The following ST6GALNAC3 variants were observed in gnomAD, a reference collection of about 807,000 sequenced individuals.
ST6GALNAC3 encodes ST6 N-acetylgalactosaminide alpha-2,6-sialyltransferase 3.
ST6GALNAC3 carries 25 observed loss-of-function variants against 32.7 expected under a neutral mutation model. That is an observed-to-expected ratio of 0.76 (90% CI 0.56 to 1.07). ST6GALNAC3 has a LOEUF of 1.07. Among genes scored for constraint, ST6GALNAC3 ranks in the 50% least tolerant of loss-of-function variants. The pLI is 0.00. For missense variants in ST6GALNAC3, 355 were observed against 382.4 expected (o/e 0.93, Z 0.60); for synonymous variants, 129 against 133.1 (o/e 0.97, Z 0.21).
intron 1 of ST6GALNAC3, among the ~76,000 whole-genome samples, chr1:76,155,363 G>A (rs1393005629): frequency 6.6e-6 from 1 of 152,208 alleles, no homozygotes; most frequent in African/African-American, 2.4e-5. Flanking sequence ...TATGTGCCAG[G>A]CATGGGTAAT....
intron 1 of ST6GALNAC3, among the ~76,000 whole-genome samples, chr1:76,147,640 A>T (rs924292180): frequency 4.6e-5 from 7 of 152,182 alleles, no homozygotes; most frequent in Non-Finnish European, 7.3e-5. Flanking sequence ...CGTAAGCTCC[A>T]TGAGACTGGG....
chr1:76,432,902 A>C (rs1217688304), intron 3 of ST6GALNAC3, among the ~76,000 whole-genome samples: 1 of 152,216 alleles, frequency 6.6e-6, no homozygotes. Context: ...GGAATTTGGC[A>C]GTCCCCAGGC....
rs139834853 is a variant in ST6GALNAC3 at position 76,109,165 on chromosome 1, C to A, written c.18+34281C>A. ...CCTCGTTTGCTGTTATGGTTTATGT[C>A]GCAGACTTGCTAGGTATGACTTCCA... On this transcript the variant is annotated intron_variant, in intron 1 of 4. Coordinates refer to ENST00000328299, the MANE Select transcript of ST6GALNAC3 (RefSeq NM_152996.4). 4.6e-5 allele frequency among the ~76,000 whole-genome samples: 7 copies of A among 152,132 alleles called. No homozygotes were observed. In the East Asian group the frequency reaches 1.4e-3, roughly 29 times the overall value.
intron 3 of ST6GALNAC3, among the ~76,000 whole-genome samples, chr1:76,621,787 A>G (rs1409952239): frequency 6.6e-6 from 1 of 152,056 alleles, no homozygotes; most frequent in Non-Finnish European, 1.5e-5. Flanking sequence ...TTTTAATTGA[A>G]TAATCTGTAT....
chr1:76,451,075 A>G (rs1430940267), intron 3 of ST6GALNAC3, among the ~76,000 whole-genome samples: 1 of 152,176 alleles, frequency 6.6e-6, no homozygotes, highest in Non-Finnish European at 1.5e-5. Context: ...TGTTTTTTCT[A>G]GTTCTGTGAA....
At chr1:76,128,275 C>A (rs181383081) in intron 1 of ST6GALNAC3, among the ~76,000 whole-genome samples, 11 of 152,320 alleles carry the variant, frequency 7.2e-5, no homozygotes, top group Non-Finnish European at 1.5e-4. Context: ...GTTAGCAGAA[C>A]TCTCCAGATA....
At chr1:76,152,752 A>G (rs1651123768) in intron 1 of ST6GALNAC3, among the ~76,000 whole-genome samples, 1 of 152,080 alleles carries the variant, frequency 6.6e-6, no homozygotes, top group Non-Finnish European at 1.5e-5. Flanking sequence ...CACCATTTTG[A>G]CCGTTGGGCA....
At chr1:76,079,428 C>T (rs1422493536) in intron 1 of ST6GALNAC3, among the ~76,000 whole-genome samples, 2 of 152,098 alleles carry the variant, frequency 1.3e-5, no homozygotes, top group Admixed American at 6.5e-5. Flanking sequence ...GTCTTGTACA[C>T]TTTCATTTTT....
At chr1:76,549,724 A>C (rs1029506567) in intron 3 of ST6GALNAC3, among the ~76,000 whole-genome samples, 1 of 152,150 alleles carries the variant, frequency 6.6e-6, no homozygotes, top group African/African-American at 2.4e-5. Context: ...GTAAATTTAC[A>C]GGGGGAAGGA....
intron 3 of ST6GALNAC3, among the ~76,000 whole-genome samples, chr1:76,459,203 G>A (rs1003404631): frequency 2.0e-5 from 3 of 152,096 alleles, no homozygotes; most frequent in African/African-American, 4.8e-5. Context: ...TTTGATTCAG[G>A]ATGATCTGAC....
At chr1:76,547,241 C>T (rs571973578) in intron 3 of ST6GALNAC3, among the ~76,000 whole-genome samples, 1 of 152,286 alleles carries the variant, frequency 6.6e-6, no homozygotes, top group South Asian at 2.1e-4. Flanking sequence ...GGGAACTAGA[C>T]CAACCGAAAA....
At chr1:76,268,830 T>C (rs1658679229) in intron 1 of ST6GALNAC3, among the ~76,000 whole-genome samples, 1 of 152,148 alleles carries the variant, frequency 6.6e-6, no homozygotes. Flanking sequence ...GTACCCACCT[T>C]CCGTGGCTCA....
At chr1:76,520,359 C>T (rs1005161030) in intron 3 of ST6GALNAC3, among the ~76,000 whole-genome samples, 3 of 152,120 alleles carry the variant, frequency 2.0e-5, no homozygotes, top group Admixed American at 1.3e-4. Flanking sequence ...AGAGGTACTT[C>T]TCAGAATTCC....
chr1:76,227,196 C>G (rs503329), intron 1 of ST6GALNAC3, among the ~76,000 whole-genome samples: 24,339 of 152,124 alleles, frequency 0.16, 2,199 homozygotes, highest in Middle Eastern at 0.23. Flanking sequence ...AGCTTGCCTT[C>G]CACCTCTGCA....
At chr1:76,354,566 T>G (rs1649285324) in intron 2 of ST6GALNAC3, among the ~76,000 whole-genome samples, 1 of 152,186 alleles carries the variant, frequency 6.6e-6, no homozygotes, top group Admixed American at 6.5e-5. Flanking sequence ...TTTAGAAGTT[T>G]TTGTTGACTG....
At chr1:76,306,570 C>T (rs970722644) in intron 1 of ST6GALNAC3, among the ~76,000 whole-genome samples, 6 of 151,812 alleles carry the variant, frequency 4.0e-5, no homozygotes, top group African/African-American at 1.5e-4. Context: ...ATAGAGTTTT[C>T]ATGGGTACCA....
intron 1 of ST6GALNAC3, chr1:76,309,943 T>C (rs1412856936): frequency 1.5e-5 from 7 of 482,610 alleles, no homozygotes; most frequent in South Asian, 1.0e-4. Context: ...TTGAAATTTC[T>C]CTCAAAATGG....
At chr1:76,304,258 A>G (rs572106047) in intron 1 of ST6GALNAC3, among the ~76,000 whole-genome samples, 143 of 152,124 alleles carry the variant, frequency 9.4e-4, no homozygotes, top group Non-Finnish European at 1.4e-3. Flanking sequence ...TATATTTCTC[A>G]GATTTTGTTC....
At chr1:76,105,961 A>G (rs901219314) in intron 1 of ST6GALNAC3, among the ~76,000 whole-genome samples, 3 of 152,238 alleles carry the variant, frequency 2.0e-5, no homozygotes, top group Non-Finnish European at 4.4e-5. Flanking sequence ...ACATGGAAAG[A>G]GTATAAGCTT....
Sources: allele counts gnomAD v4.1 joint callset (sites outside exome capture counted in the v4.1 genomes callset), GRCh38; gene constraint gnomAD v4.1.1; transcripts MANE v1.5; gene names NCBI Gene and HGNC (gene_info 2026-07-23, HGNC 2026-07-21).